BANP: variants seen among roughly 807,000 people sequenced by gnomAD.
BANP encodes the protein protein BANP.
In BANP, 11 loss-of-function variants were observed where a neutral mutation model predicts 68.1. The ratio of observed to expected loss-of-function variants is 0.16; its 90% CI spans 0.10 to 0.27. The LOEUF is 0.27. BANP is among the 10% of genes least tolerant of loss of function. The pLI is 1.00. For missense variants in BANP, 504 were observed against 722.7 expected (o/e 0.70, Z 3.47); for synonymous variants, 329 against 303.2 (o/e 1.09, Z -0.88).
chr16:88,041,034 C>A (rs1471135242), intron 11 of BANP, among the ~76,000 whole-genome samples: 2 of 152,226 alleles, frequency 1.3e-5, no homozygotes, highest in Non-Finnish European at 2.9e-5. Context: ...CGTTTTCCGT[C>A]ATGGGGCTGG....
rs556734497 is a variant in BANP at position 87,962,263 on chromosome 16, A to G, written c.-69+10748A>G. ...TCAAAAAAAAAAAAAAAAAGAAAGC[A>G]CATTTTTTTCCTTTATGTAATAAAT... On this transcript the variant is annotated intron_variant, in intron 1 of 13. Transcript: ENST00000682872. Among the ~76,000 whole-genome samples the G allele has an allele frequency of 4.6e-3, 683 of 149,802 alleles. 17 individuals are homozygous for G. Among genetic ancestry groups the G allele is most frequent in the African/African-American group, 0.016 (658 of 40,142 alleles).
chr16:88,030,988 G>A (rs548238259), intron 8 of BANP, among the ~76,000 whole-genome samples: 1 of 152,364 alleles, frequency 6.6e-6, no homozygotes, highest in South Asian at 2.1e-4. Flanking sequence ...GGTTTTGTAG[G>A]TGCTAAGAGG....
chr16:88,006,494 A>G (rs2152564801), intron 6 of BANP, among the ~76,000 whole-genome samples: 1 of 151,848 alleles, frequency 6.6e-6, no homozygotes, highest in South Asian at 2.1e-4. Flanking sequence ...TGAAAATACA[A>G]AATTAGCCGG....
chr16:88,072,744 C>T (rs562441461), intron 13 of BANP, among the ~76,000 whole-genome samples: 112 of 152,380 alleles, frequency 7.4e-4, no homozygotes, highest in African/African-American at 2.5e-3. Context: ...AAATCTCCAG[C>T]GTGGCCGAGG....
At chr16:87,953,148 A>G (rs933992775) in intron 1 of BANP, among the ~76,000 whole-genome samples, 3 of 152,072 alleles carry the variant, frequency 2.0e-5, no homozygotes, top group Admixed American at 2.0e-4. Flanking sequence ...GCTCAGATTT[A>G]CAGAGCCAGG....
intron 11 of BANP, among the ~76,000 whole-genome samples, chr16:88,061,777 T>C (rs1054843930): frequency 2.6e-5 from 4 of 152,104 alleles, no homozygotes; most frequent in Non-Finnish European, 4.4e-5. Flanking sequence ...GCAATTCTCC[T>C]GCCTCAGCCT....
intron 8 of BANP, among the ~76,000 whole-genome samples, chr16:88,030,173 C>G (rs2077847515): frequency 6.6e-6 from 1 of 152,200 alleles, no homozygotes; most frequent in Non-Finnish European, 1.5e-5. Context: ...AGACACCCAA[C>G]AAAGTAAAAT....
rs562221481 is a variant in BANP at position 88,046,809 on chromosome 16, G to A, written c.1311+8798G>A. Among the ~76,000 whole-genome samples, 275 of 152,192 alleles carry A rather than the reference G, an allele frequency of 1.8e-3. 1 individual carries two copies. The highest frequency in any genetic ancestry group is 6.4e-3 in the African/African-American group (266 of 41,552). On this transcript the variant is annotated intron_variant, in intron 11 of 13. Coordinates refer to ENST00000682872, the MANE Select transcript of BANP (RefSeq NM_001386991.1). ...TGGCCGGGCACGGTGCTTCACGCCTGTAATCCCAGCACTTTAGGAGGCCGA... is the reference window on the plus strand; with the variant it reads ...TGGCCGGGCACGGTGCTTCACGCCTATAATCCCAGCACTTTAGGAGGCCGA...
Position 88,041,878 on chromosome 16 carries a change from T to C in BANP, c.1311+3867T>C, listed in dbSNP as rs1039105243. 1.3e-3 allele frequency among the ~76,000 whole-genome samples: 197 copies of C among 152,304 alleles called. 1 individual carries two copies. The highest frequency in any genetic ancestry group is 4.5e-3 in the African/African-American group (188 of 41,560). ...TGATTAGAGTCCATTTCAGGCCCTG[T>C]TGGGCACACTGGGAGTGCGCAAGAA... On this transcript the variant is annotated intron_variant, in intron 11 of 13. Transcript: ENST00000682872.
chr16:87,991,969 C>A (rs1243134258), intron 4 of BANP, among the ~76,000 whole-genome samples: 2 of 152,140 alleles, frequency 1.3e-5, no homozygotes, highest in African/African-American at 4.8e-5. Flanking sequence ...AGCATTTCAC[C>A]ATTAAGTCTG....
chr16:88,072,240 CTG>C, intron 13 of BANP, 28 bp downstream of exon 13: 1 of 1,586,286 alleles, frequency 6.3e-7, no homozygotes, highest in Non-Finnish European at 8.6e-7. Context: ...CGCCGGGACA[CTG>C]AAGTGATGGC....
Position 88,076,722 on chromosome 16 carries a change from C to A in BANP, c.*61C>A. 7.0e-7 allele frequency: 1 copy of A among 1,432,870 alleles called. No individual in the cohort carries two copies. Among genetic ancestry groups the A allele is most frequent in the Non-Finnish European group, 9.5e-7 (1 of 1,055,400 alleles). 88.8% of individuals were successfully genotyped at this position (1,432,870 alleles called of 1,614,324 possible). ...CCGCCTACGGCCCGGCCCCCACGCG[C>A]CCTGCTCTCACGGCCTCGGCACAGG... On this transcript the variant is annotated 3_prime_UTR_variant, in exon 14 of 14. Transcript: ENST00000682872.
chr16:88,040,315 T>C (rs1437802776), intron 11 of BANP, among the ~76,000 whole-genome samples: 1 of 151,304 alleles, frequency 6.6e-6, no homozygotes, highest in Non-Finnish European at 1.5e-5. Context: ...TACACCCTGC[T>C]CATGCAGGCT....
At chr16:88,007,834 A>G (rs943675920) in intron 6 of BANP, among the ~76,000 whole-genome samples, 11 of 152,196 alleles carry the variant, frequency 7.2e-5, no homozygotes, top group Admixed American at 2.0e-4. Context: ...GGAAGAGAGA[A>G]AGAGACGTTG....
chr16:88,074,887 G>A (rs1037046962), intron 13 of BANP, among the ~76,000 whole-genome samples: 8 of 152,128 alleles, frequency 5.3e-5, no homozygotes, highest in African/African-American at 1.9e-4. Flanking sequence ...TATATCGAGT[G>A]TCATTTGACA....
intron 12 of BANP, among the ~76,000 whole-genome samples, chr16:88,070,022 C>G (rs2089916299): frequency 6.6e-6 from 1 of 151,908 alleles, no homozygotes. Context: ...CGATCCACTT[C>G]CGCTTAATAA....
Position 88,076,799 on chromosome 16 carries a change from G to A in BANP, c.*138G>A. On this transcript the variant is annotated 3_prime_UTR_variant, in exon 14 of 14. Transcript: ENST00000682872. The stretch of plus-strand genomic sequence containing the variant: ...TGCGTCTGAAGGCCGCTGCCTCCGC[G>A]GGGAACAGCATCCTATCAACTGAAA... 7.3e-6 allele frequency: 5 copies of A among 689,468 alleles called. No individual in the cohort carries two copies. The highest frequency in any genetic ancestry group is 2.8e-5 in the East Asian group (1 of 35,476). The allele number at this position is 689,468 out of a possible 1,614,324, so 42.7% of individuals were successfully genotyped here. A position where few individuals can be genotyped will look rare whatever the true frequency, so the allele number is the denominator to read the frequency against.
At chr16:88,017,698 G>A (rs951386248) in intron 6 of BANP, among the ~76,000 whole-genome samples, 1 of 152,224 alleles carries the variant, frequency 6.6e-6, no homozygotes, top group Admixed American at 6.5e-5. Context: ...CGTCACAGGA[G>A]TGTGCTTTGC....
At chr16:88,075,802 A>G (rs1305189368) in intron 13 of BANP, among the ~76,000 whole-genome samples, 1 of 142,158 alleles carries the variant, frequency 7.0e-6, no homozygotes, top group African/African-American at 2.7e-5. Flanking sequence ...GCTGGAGTGC[A>G]TTGGTGCAAT....
Sources: allele counts gnomAD v4.1 joint callset (sites outside exome capture counted in the v4.1 genomes callset), GRCh38; gene constraint gnomAD v4.1.1; transcripts MANE v1.5; gene names NCBI Gene and HGNC (gene_info 2026-07-23, HGNC 2026-07-21).